The following CCDC40 variants were observed in gnomAD, a reference collection of about 807,000 sequenced individuals.
CCDC40 encodes the protein coiled-coil domain 40 molecular ruler complex subunit.
Under a neutral mutation model 124.5 loss-of-function variants are expected in CCDC40, and 104 were observed. The observed-to-expected ratio is 0.84, with a 90% CI of 0.71 to 0.98. The LOEUF is 0.98. Among genes scored for constraint, CCDC40 ranks in the 50% least tolerant of loss-of-function variants. The pLI is 0.00. For missense variants in CCDC40, 1,463 were observed against 1,503.9 expected (o/e 0.97, Z 0.45); for synonymous variants, 580 against 602.9 (o/e 0.96, Z 0.56).
intron 19 of CCDC40, among the ~76,000 whole-genome samples, chr17:80,099,048 C>T (rs1411969082): frequency 2.0e-5 from 3 of 150,650 alleles, no homozygotes; most frequent in Admixed American, 6.6e-5. Flanking sequence ...TTTGGGAAGC[C>T]GAGGCAGGCG....
rs1338214769 is a variant in CCDC40 at position 80,056,001 on chromosome 17, TATATA to T, written c.1160-2492_1160-2488del. Among the ~76,000 whole-genome samples the T allele has an allele frequency of 9.8e-3, 192 of 19,512 alleles. 12 individuals carry two copies. Among genetic ancestry groups the T allele is most frequent in the Non-Finnish European group, 0.017 (141 of 8,390 alleles). 12.8% of individuals were successfully genotyped at this position (19,512 alleles called of 152,430 possible). On this transcript the variant is annotated intron_variant, in intron 7 of 19. Transcript: ENST00000397545. The stretch of plus-strand genomic sequence containing the variant: ...ATTTTCATATATATATATATATATA[TATATA>T]TATATATATATTTTTTTTTTTTTTT...
chr17:80,093,104 A>C (rs2038749374), intron 17 of CCDC40, among the ~76,000 whole-genome samples: 2 of 152,116 alleles, frequency 1.3e-5, no homozygotes, highest in South Asian at 4.1e-4. Context: ...GTTTTGTTCT[A>C]CTGATTTCTG....
intron 19 of CCDC40, 105 bp from the exon 20 acceptor site, chr17:80,099,422 C>A: frequency 7.4e-7 from 1 of 1,355,532 alleles, no homozygotes; most frequent in Non-Finnish European, 1.0e-6. Flanking sequence ...AGGCGTAGGT[C>A]TCGCCTCCTC....
Position 80,053,025 on chromosome 17 carries a change from C to T in CCDC40, c.1159+2742C>T, listed in dbSNP as rs1004758175. On this transcript the variant is annotated intron_variant, in intron 7 of 19. Transcript: ENST00000397545. ...CTTCCCTGGAAATAGAGCAAAACCC[C>T]AAATGATTGATATCTTGAGGAGGAG... Among the ~76,000 whole-genome samples the T allele has an allele frequency of 2.0e-5, 3 of 152,166 alleles. No homozygotes were observed. The South Asian group carries it at 6.2e-4, about 32-fold the overall frequency.
chr17:80,048,807 A>G (rs2037499574), intron 5 of CCDC40, 46 bp downstream of exon 5: 1 of 1,521,298 alleles, frequency 6.6e-7, no homozygotes, highest in East Asian at 2.4e-5. Flanking sequence ...ATGGATGGCG[A>G]ATGACTCAGG....
intron 9 of CCDC40, among the ~76,000 whole-genome samples, chr17:80,060,394 T>A (rs6565637): frequency 0.34 from 50,024 of 148,074 alleles, 10,848 homozygotes; most frequent in African/African-American, 0.63. Flanking sequence ...AAATAATAAT[T>A]AAAAAAAAAT....
chr17:80,049,871 GA>G, intron 5 of CCDC40, 34 bp from the exon 6 acceptor site: 1 of 1,591,622 alleles, frequency 6.3e-7, no homozygotes, highest in Non-Finnish European at 8.6e-7. Flanking sequence ...AGGGTAACCA[GA>G]AAGGTAACCA....
At position 80,097,356 on chromosome 17, in the gene CCDC40, G is replaced by A. The variant is rs755442488; in HGVS notation, c.3133G>A (p.Asp1045Asn). The part of the protein sequence containing the change: ...EKLSVIQADF[D>N]TLEADLTRLG... Reference sequence around the variant, plus strand: ...GCTGTCGGTGATTCAGGCAGACTTCGACACACTCGAGGCCGACCTCACCCG... The same window carrying A: ...GCTGTCGGTGATTCAGGCAGACTTCAACACACTCGAGGCCGACCTCACCCG... Residue 1045 changes from aspartate to asparagine, a missense_variant, in exon 19 of 20, where the codon GAC (aspartate) becomes AAC (asparagine). Asp to Asn is a conservative substitution (Grantham distance 23). Coordinates refer to ENST00000397545, the MANE Select transcript of CCDC40 (RefSeq NM_017950.4). 6.2e-7 allele frequency: 1 copy of A among 1,613,980 alleles called. No individual in the cohort carries two copies. The highest frequency in any genetic ancestry group is 8.5e-7 in the Non-Finnish European group (1 of 1,180,038).
At position 80,097,306 on chromosome 17, in the gene CCDC40, G is replaced by C. The variant is rs752465620; in HGVS notation, c.3083G>C (p.Ser1028Thr). ...ELEETQRNVSSSLLEKQEKLS... is the reference protein window; with the variant it reads ...ELEETQRNVSTSLLEKQEKLS... Reference sequence around the variant, plus strand: ...GAAGAAACACAAAGAAATGTGAGCAGCTCCCTCCTAGAGAAGCAGGAAAAG... The same window carrying C: ...GAAGAAACACAAAGAAATGTGAGCACCTCCCTCCTAGAGAAGCAGGAAAAG... Residue 1028 changes from serine to threonine, a missense_variant, in exon 19 of 20, where the codon AGC (serine) becomes ACC (threonine). By Grantham distance (58) the Ser-to-Thr change is moderately conservative (BLOSUM62 1). Transcript: ENST00000397545. The C allele has an allele frequency of 1.9e-6, 3 of 1,613,846 alleles. No individual in the cohort carries two copies. Among genetic ancestry groups the C allele is most frequent in the African/African-American group, 1.3e-5 (1 of 74,946 alleles).
chr17:80,083,332 A>T (rs1568708410), intron 12 of CCDC40, among the ~76,000 whole-genome samples: 1 of 152,318 alleles, frequency 6.6e-6, no homozygotes, highest in East Asian at 1.9e-4. Context: ...CTTCCACTCC[A>T]GGTGGGCAGG....
intron 18 of CCDC40, among the ~76,000 whole-genome samples, chr17:80,096,227 G>A (rs527576890): frequency 1.3e-5 from 2 of 152,312 alleles, no homozygotes; most frequent in South Asian, 2.1e-4. Flanking sequence ...TTGGAGCCAC[G>A]CTGGACCATT....
chr17:80,056,018 T>TATATATATATATA (rs2037740131), intron 7 of CCDC40, among the ~76,000 whole-genome samples: 2 of 44,308 alleles, frequency 4.5e-5, no homozygotes, highest in African/African-American at 1.5e-4. Context: ...ATATATATAT[T>TATATATATATATA]TTTTTTTTTT....
chr17:80,072,753 G>T (rs1434640686), intron 10 of CCDC40, among the ~76,000 whole-genome samples: 1 of 152,122 alleles, frequency 6.6e-6, no homozygotes, highest in Non-Finnish European at 1.5e-5. Context: ...AAGATCAGTA[G>T]TCTGTTCCTT....
intron 3 of CCDC40, among the ~76,000 whole-genome samples, chr17:80,041,218 A>G (rs2037271780): frequency 1.3e-5 from 2 of 152,070 alleles, no homozygotes; most frequent in Admixed American, 6.6e-5. Flanking sequence ...ATCAAAATCT[A>G]GAAATTGGGT....
In CCDC40 at chr17:80,087,933, C is replaced by T. The variant is rs1383966144; in HGVS notation, c.2620-78C>T. On this transcript the variant is annotated intron_variant, in intron 15 of 19. Transcript: ENST00000397545. The surrounding 1 kb of genome is among the most constrained non-coding windows in gnomAD (Gnocchi z 4.5). ...CAGCCTGCAGCCCTGCCCTCGGTGC[C>T]GGGATAGAGGGCACCAGCCCCGGCA... 3.0e-6 allele frequency: 4 copies of T among 1,324,200 alleles called. No individual in the cohort carries two copies. The highest frequency in any genetic ancestry group is 1.7e-5 in the Admixed American group (1 of 59,594). 82.0% of individuals were successfully genotyped at this position (1,324,200 alleles called of 1,614,324 possible).
At chr17:80,037,688 A>AAAAAAATATATATATATATATAT in intron 1 of CCDC40, among the ~76,000 whole-genome samples, 3 of 45,710 alleles carry the variant, frequency 6.6e-5, no homozygotes, top group African/African-American at 1.8e-4. Flanking sequence ...TTTTTTAAAA[A>AAAAAAATATATATATATATATAT]AGATATACAT....
chr17:80,094,418 T>A (rs60349182), intron 17 of CCDC40, among the ~76,000 whole-genome samples: 7,065 of 151,228 alleles, frequency 0.047, 195 homozygotes, highest in East Asian at 0.13. Context: ...TCTCAAAAAA[T>A]TTTTTTTATA....
In CCDC40 at chr17:80,048,589, C is replaced by A; in HGVS notation, c.683C>A (p.Pro228His). Residue 228 changes from proline to histidine, a missense_variant, in exon 5 of 20, where the codon CCC (proline) becomes CAC (histidine). Coordinates refer to ENST00000397545, the MANE Select transcript of CCDC40 (RefSeq NM_017950.4). ...EEFVSQEPVI[P>H]PGVPDAHPRE... ...TCGCTGTCTCTCCCCCCAGTGATCC[C>A]CCCAGGGGTGCCCGATGCCCACCCC... 6.2e-7 allele frequency: 1 copy of A among 1,613,150 alleles called. No individual in the cohort carries two copies.
rs1220712644 is a variant in CCDC40 at position 80,087,684 on chromosome 17, C to G, written c.2527C>G (p.Leu843Val). 6.2e-7 allele frequency: 1 copy of G among 1,613,842 alleles called. No homozygotes were observed. Among genetic ancestry groups the G allele is most frequent in the Admixed American group, 1.7e-5 (1 of 60,018 alleles). ...GGACCTGGACAACGACCTGAAGAAG[C>G]TCAACATGTTGATGAATAAAAACCG... ...MKDLDNDLKK[L>V]NMLMNKNRCS... is the part of the protein sequence containing the mutation. Residue 843 changes from leucine (L) to valine (V), a missense_variant, in exon 15 of 20, where the codon CTC becomes GTC. Leu to Val is a conservative substitution (Grantham distance 32). Transcript: ENST00000397545. The surrounding 1 kb of genome is among the most constrained non-coding windows in gnomAD (Gnocchi z 4.5).
Sources: gnomAD v4.1 joint callset for allele counts (sites outside exome capture counted in the v4.1 genomes callset) on GRCh38, gnomAD v4.1.1 for gene constraint, Gnocchi (gnomAD v3.1) non-coding constraint, MANE v1.5 for transcripts, NCBI Gene and HGNC (gene_info 2026-07-23, HGNC 2026-07-21) for gene names.